The following KDM4B variants were observed in gnomAD, a reference collection of about 807,000 sequenced individuals.
KDM4B encodes lysine demethylase 4B.
A neutral mutation model predicts 125.2 loss-of-function variants in KDM4B; 32 were observed. The ratio of observed to expected loss-of-function variants is 0.26; its 90% confidence interval spans 0.19 to 0.34. The LOEUF is 0.34. Ranked by LOEUF, KDM4B falls within the 10% of genes least tolerant of loss-of-function variation. KDM4B has a pLI of 1.00. For missense variants in KDM4B, 1,190 were observed against 1,577.7 expected (o/e 0.75, Z 4.16); for synonymous variants, 721 against 677.9 (o/e 1.06, Z -0.99).
At chr19:5,032,264 G>A (rs943318913) in intron 2 of KDM4B, among the ~76,000 whole-genome samples, 9 of 152,196 alleles carry the variant, frequency 5.9e-5, no homozygotes, top group East Asian at 1.9e-4. Flanking sequence ...TTTATGACCC[G>A]CGTGACTCTG....
At chr19:5,136,972 T>G (rs944494176) in intron 15 of KDM4B, among the ~76,000 whole-genome samples, 2 of 152,202 alleles carry the variant, frequency 1.3e-5, no homozygotes, top group Non-Finnish European at 2.9e-5. Context: ...ACCACCAGGC[T>G]GAGCGCGGCA....
intron 11 of KDM4B, among the ~76,000 whole-genome samples, chr19:5,125,120 G>C (rs182335601): frequency 1.4e-5 from 2 of 147,654 alleles, no homozygotes; most frequent in Non-Finnish European, 3.0e-5. Flanking sequence ...AGCTGCTCCC[G>C]AACTCCTGGG....
chr19:5,098,856 G>C (rs957006147), intron 9 of KDM4B, among the ~76,000 whole-genome samples: 6 of 152,162 alleles, frequency 3.9e-5, no homozygotes, highest in African/African-American at 1.4e-4. Flanking sequence ...GGACTTCCCA[G>C]CCTCCAGAAC....
At chr19:4,984,569 G>T (rs1568206553) in intron 1 of KDM4B, among the ~76,000 whole-genome samples, 1 of 152,162 alleles carries the variant, frequency 6.6e-6, no homozygotes, top group Non-Finnish European at 1.5e-5. Context: ...TCCTGTTCCG[G>T]CCTGTTCCGT....
chr19:5,055,472 G>A (rs773636833), intron 6 of KDM4B, among the ~76,000 whole-genome samples: 3 of 152,222 alleles, frequency 2.0e-5, no homozygotes, highest in African/African-American at 4.8e-5. Flanking sequence ...TTGGATGGTC[G>A]ATTGCCCTGT....
chr19:5,045,535 C>T (rs570397518), intron 5 of KDM4B, among the ~76,000 whole-genome samples: 23 of 151,852 alleles, frequency 1.5e-4, no homozygotes, highest in South Asian at 2.1e-4. Flanking sequence ...ACATTACAGG[C>T]GCCCACCACC....
intron 1 of KDM4B, among the ~76,000 whole-genome samples, chr19:4,992,127 G>A (rs1035113538): frequency 5.3e-5 from 8 of 152,142 alleles, no homozygotes; most frequent in South Asian, 2.1e-4. Flanking sequence ...TTGTGTTGAC[G>A]GAACAGCCCT....
chr19:5,125,257 C>T (rs1044422658), intron 11 of KDM4B, among the ~76,000 whole-genome samples: 1 of 151,296 alleles, frequency 6.6e-6, no homozygotes, highest in Non-Finnish European at 1.5e-5. Context: ...CAGCCACACC[C>T]TCCCCAGCCC....
chr19:5,110,660 C>A lies in KDM4B; in HGVS notation c.957C>A (p.Asp319Glu). Residue 319 changes from aspartate (D) to glutamate (E), a missense_variant, in exon 10 of 23, where the codon GAC becomes GAA. This residue lies in a region of KDM4B where 75 missense variants were observed against 218.2 expected (regional missense o/e 0.34). Transcript: ENST00000159111. ...AGGACATGGTCAAGATCTCCATGGACGTGTTCGTGCGCATCCTGCAGCCCG... is the reference window on the plus strand; with the variant it reads ...AGGACATGGTCAAGATCTCCATGGAAGTGTTCGTGCGCATCCTGCAGCCCG... ...CRKDMVKISMDVFVRILQPER... is the reference protein window; with the variant it reads ...CRKDMVKISMEVFVRILQPER... 1 of 1,613,048 alleles carries A rather than the reference C, an allele frequency of 6.2e-7. No individual in the cohort carries two copies. Among genetic ancestry groups the A allele is most frequent in the African/African-American group, 1.3e-5 (1 of 75,058 alleles).
At chr19:5,131,832 G>A (rs1042702969) in intron 12 of KDM4B, 55 bp from the exon 13 acceptor site, 1 of 1,610,960 alleles carries the variant, frequency 6.2e-7, no homozygotes. Flanking sequence ...CTCCGAGGGA[G>A]CCCCACCCAG....
chr19:5,079,759 G>T (rs1334078711), intron 8 of KDM4B, among the ~76,000 whole-genome samples: 2 of 152,208 alleles, frequency 1.3e-5, no homozygotes, highest in Non-Finnish European at 2.9e-5. Context: ...TAGAGATGGG[G>T]TCTCACTCTG....
At chr19:5,049,322 G>A (rs1008542034) in intron 6 of KDM4B, among the ~76,000 whole-genome samples, 1 of 152,100 alleles carries the variant, frequency 6.6e-6, no homozygotes, top group Non-Finnish European at 1.5e-5. Flanking sequence ...GGTGCCGCAG[G>A]CGTCCAGCTG....
intron 21 of KDM4B, 104 bp downstream of exon 21, chr19:5,145,006 C>T (rs1383029107): frequency 6.7e-7 from 1 of 1,494,172 alleles, no homozygotes; most frequent in Non-Finnish European, 9.1e-7. Flanking sequence ...TTGCCTGGGG[C>T]ACTGGCGGGT....
In KDM4B at chr19:5,143,995, A is replaced by AG; in HGVS notation, c.2580dup (p.Lys861GlufsTer104). ...TGCGTGTACTGCCGGAAGCGGATGA[A>AG]GAAGGTGTCAGGTGCCTGTATCCAG... On this transcript the variant is annotated frameshift_variant, in exon 19 of 23. Coordinates refer to ENST00000159111, the MANE Select transcript of KDM4B (RefSeq NM_015015.3). LOFTEE classifies it high-confidence loss of function. The AG allele has an allele frequency of 6.3e-7, 1 of 1,587,656 alleles. No homozygotes were observed. Among genetic ancestry groups the AG allele is most frequent in the Non-Finnish European group, 8.6e-7 (1 of 1,158,814 alleles).
chr19:5,080,398 C>T (rs1203156211), intron 8 of KDM4B, among the ~76,000 whole-genome samples: 1 of 152,170 alleles, frequency 6.6e-6, no homozygotes, highest in Non-Finnish European at 1.5e-5. Flanking sequence ...AACAAATGGC[C>T]CGATGAATTC....
At chr19:4,993,322 T>G (rs576570188) in intron 1 of KDM4B, among the ~76,000 whole-genome samples, 2 of 151,662 alleles carry the variant, frequency 1.3e-5, no homozygotes, top group Non-Finnish European at 2.9e-5. Context: ...GGCACCAGAA[T>G]CGCTTGAACC....
intron 6 of KDM4B, among the ~76,000 whole-genome samples, chr19:5,064,577 C>A (rs2037710004): frequency 6.6e-6 from 1 of 152,154 alleles, no homozygotes; most frequent in Non-Finnish European, 1.5e-5. Context: ...GTGCCACTGT[C>A]ACCTGGGAGA....
chr19:4,972,302 T>G (rs2034288081), intron 1 of KDM4B, among the ~76,000 whole-genome samples: 1 of 127,916 alleles, frequency 7.8e-6, no homozygotes. Flanking sequence ...CTCTGGGCCT[T>G]GCTTTCTTCT....
At chr19:5,065,580 G>T (rs1338288934) in intron 6 of KDM4B, among the ~76,000 whole-genome samples, 2 of 152,224 alleles carry the variant, frequency 1.3e-5, no homozygotes, top group Non-Finnish European at 2.9e-5. Context: ...AAAACACCAA[G>T]AAATTACACT....
Sources: allele counts gnomAD v4.1 joint callset (sites outside exome capture counted in the v4.1 genomes callset), GRCh38; gene constraint gnomAD v4.1.1; regional missense constraint gnomAD v4.1.1; transcripts MANE v1.5; gene names NCBI Gene and HGNC (gene_info 2026-07-23, HGNC 2026-07-21).